Variants in DNAJC6 observed in about 807,000 individuals in gnomAD.
DNAJC6 encodes auxilin.
DNAJC6 carries 34 observed loss-of-function variants against 110.0 expected under a neutral mutation model. The observed-to-expected ratio is 0.31, with a 90% CI of 0.24 to 0.41. DNAJC6 has a LOEUF of 0.41. Among genes scored for constraint, DNAJC6 ranks in the 10% least tolerant of loss-of-function variants. The pLI, the probability that DNAJC6 is intolerant of heterozygous loss-of-function variation, is 1.00. For missense variants in DNAJC6, 1,031 were observed against 1,207.8 expected (o/e 0.85, Z 2.17); for synonymous variants, 406 against 437.2 (o/e 0.93, Z 0.89).
chr1:65,285,377 C>A (rs1325607), intron 1 of DNAJC6, among the ~76,000 whole-genome samples: 115,562 of 152,058 alleles, frequency 0.76, 44,517 homozygotes, highest in East Asian at 1. Context: ...TAGAAGTACA[C>A]CTCCCAATTC....
chr1:65,341,093 GT>G (rs895294150), intron 1 of DNAJC6, among the ~76,000 whole-genome samples: 1 of 152,146 alleles, frequency 6.6e-6, no homozygotes, highest in Non-Finnish European at 1.5e-5. Flanking sequence ...CTGATAGCCT[GT>G]TTAGCAAGGT....
At chr1:65,277,412 T>C (rs1247046543) in intron 1 of DNAJC6, among the ~76,000 whole-genome samples, 1 of 152,226 alleles carries the variant, frequency 6.6e-6, no homozygotes, top group Non-Finnish European at 1.5e-5. Context: ...TTTAATACTT[T>C]TGTGATTTTA....
chr1:65,284,548 C>G (rs1163720381), intron 1 of DNAJC6, among the ~76,000 whole-genome samples: 2 of 152,140 alleles, frequency 1.3e-5, no homozygotes, highest in Admixed American at 6.5e-5. Flanking sequence ...TTTTATCAGT[C>G]TCCTCAAGGC....
intron 1 of DNAJC6, among the ~76,000 whole-genome samples, chr1:65,301,324 TC>T (rs34122184): frequency 2.6e-5 from 4 of 151,210 alleles, no homozygotes; most frequent in Admixed American, 1.3e-4. Flanking sequence ...AATGGGCACT[TC>T]CCCCCCCACA....
At chr1:65,384,087 G>A (rs976769503) in intron 5 of DNAJC6, 106 bp from the exon 6 acceptor site, 2 of 1,291,076 alleles carry the variant, frequency 1.5e-6, no homozygotes, top group Non-Finnish European at 2.0e-6. Flanking sequence ...CCACAGTTAA[G>A]AGGATTTCTC....
chr1:65,269,690 A>G (rs1338924409), intron 1 of DNAJC6, among the ~76,000 whole-genome samples: 1 of 152,166 alleles, frequency 6.6e-6, no homozygotes, highest in Non-Finnish European at 1.5e-5. Context: ...TGATCTGTAA[A>G]TGACTGAGTG....
rs1200701756 is a variant in DNAJC6, at chr1:65,413,875, T to TA, written c.*851dup. The TA allele has an allele frequency of 6.6e-6, 1 of 152,242 alleles. No individual in the cohort carries two copies. Among genetic ancestry groups the TA allele is most frequent in the Non-Finnish European group, 1.5e-5 (1 of 68,050 alleles). The allele number at this position is 152,242 out of a possible 1,614,324, so 9.4% of individuals were successfully genotyped here. A position where few individuals can be genotyped will look rare whatever the true frequency, so the allele number is the denominator to read the frequency against. On this transcript the variant is annotated 3_prime_UTR_variant, in exon 19 of 19. Coordinates refer to ENST00000371069, the MANE Select transcript of DNAJC6 (RefSeq NM_001256864.2). ...TAAGGCTTAATGCTCTTCTTTTGTT[T>TA]AGCCAAGAAAACATTCTTAGTTGGA... is the stretch of plus-strand genomic sequence containing the variant.
chr1:65,310,018 C>CA, intron 1 of DNAJC6, 80 bp downstream of exon 1: 1 of 1,367,136 alleles, frequency 7.3e-7, no homozygotes, highest in Non-Finnish European at 9.4e-7. Context: ...CGAGGCCCCC[C>CA]CGTGGTCCCC....
At chr1:65,296,259 A>G (rs962189433) in intron 1 of DNAJC6, among the ~76,000 whole-genome samples, 5 of 152,234 alleles carry the variant, frequency 3.3e-5, no homozygotes, top group African/African-American at 1.2e-4. Flanking sequence ...TCCTACTCGG[A>G]TCAAAAATAA....
chr1:65,351,271 C>A (rs1270075024), intron 1 of DNAJC6, among the ~76,000 whole-genome samples: 1 of 152,024 alleles, frequency 6.6e-6, no homozygotes, highest in Non-Finnish European at 1.5e-5. Flanking sequence ...TTGTTTAATG[C>A]CTAAAAAACA....
intron 1 of DNAJC6, among the ~76,000 whole-genome samples, chr1:65,334,366 A>G (rs1173713968): frequency 6.6e-6 from 1 of 152,238 alleles, no homozygotes; most frequent in Non-Finnish European, 1.5e-5. Flanking sequence ...AATACTCTTG[A>G]GACAGTGCAG....
chr1:65,353,949 G>C (rs1223279278), intron 1 of DNAJC6, among the ~76,000 whole-genome samples: 1 of 152,048 alleles, frequency 6.6e-6, no homozygotes, highest in Non-Finnish European at 1.5e-5. Flanking sequence ...TGCCAAAGTT[G>C]ATCTGTTTGG....
At chr1:65,266,455 G>T (rs1653333714) in intron 1 of DNAJC6, among the ~76,000 whole-genome samples, 1 of 152,166 alleles carries the variant, frequency 6.6e-6, no homozygotes, top group South Asian at 2.1e-4. Flanking sequence ...TCACAGCCAC[G>T]TATTGATCTA....
intron 1 of DNAJC6, among the ~76,000 whole-genome samples, chr1:65,355,264 C>CAAAAA (rs58338708): frequency 4.3e-4 from 36 of 84,146 alleles, no homozygotes; most frequent in Non-Finnish European, 4.8e-4. Context: ...CACCCTGTCT[C>CAAAAA]AAAAAAAAAA....
upstream of DNAJC6, among the ~76,000 whole-genome samples, chr1:65,307,014 C>A (rs796306238): frequency 0.14 from 10,018 of 73,944 alleles, 527 homozygotes; most frequent in African/African-American, 0.23. Context: ...CTCTCTCTCT[C>A]TCTCTATATA....
chr1:65,338,746 T>C (rs982796321), intron 1 of DNAJC6, among the ~76,000 whole-genome samples: 14 of 152,184 alleles, frequency 9.2e-5, no homozygotes, highest in Non-Finnish European at 1.9e-4. Flanking sequence ...TCTATACATA[T>C]CTTAAATTTC....
At chr1:65,309,534 C>T, upstream of DNAJC6, 3 of 1,221,954 alleles carry the variant, frequency 2.5e-6, no homozygotes, top group Non-Finnish European at 3.1e-6. Flanking sequence ...TCCCTCCTCC[C>T]GGCGCCCCGA....
At position 65,385,773 on chromosome 1, in the gene DNAJC6, C is replaced by G. The variant is rs1645865949; in HGVS notation, c.862C>G (p.Leu288Val). The change falls in exon 7 of 19, where the codon CTC becomes GTC. Residue 288 changes from leucine to valine, a missense_variant. Transcript: ENST00000371069. ...GCCCTACCGCCCTCACTTCAAGCCTCTCACAATTAAGTCGATCACTGTCAG... is the reference window on the plus strand; with the variant it reads ...GCCCTACCGCCCTCACTTCAAGCCTGTCACAATTAAGTCGATCACTGTCAG... ...DKPYRPHFKP[L>V]TIKSITVSPI... 1 of 1,614,060 alleles carries G rather than the reference C, an allele frequency of 6.2e-7. No individual in the cohort carries two copies.
Position 65,389,269 on chromosome 1 carries a change from G to T in DNAJC6, c.1207G>T (p.Ala403Ser), listed in dbSNP as rs1250776378. The change falls in exon 10 of 19, where the codon GCA (alanine) becomes TCA (serine). Residue 403 changes from alanine to serine, a missense_variant. By Grantham distance (99) the Ala-to-Ser change is moderately conservative. Coordinates refer to ENST00000371069, the MANE Select transcript of DNAJC6 (RefSeq NM_001256864.2). ...ATCCCTATTTAGGCCTGAGTTAGAT[G>T]CATGTGATGTACCAGAAAAATATCC... ...VLKFTKPELDACDVPEKYPQL... is the reference protein window; with the variant it reads ...VLKFTKPELDSCDVPEKYPQL... 1 of 1,613,794 alleles carries T rather than the reference G, an allele frequency of 6.2e-7. No homozygotes were observed. The highest frequency in any genetic ancestry group is 8.5e-7 in the Non-Finnish European group (1 of 1,179,908).
Sources: gnomAD v4.1 joint callset for allele counts (sites outside exome capture counted in the v4.1 genomes callset) on GRCh38, gnomAD v4.1.1 for gene constraint, MANE v1.5 for transcripts, NCBI Gene and HGNC (gene_info 2026-07-23, HGNC 2026-07-21) for gene names.